The following CTNNA3 variants were observed in gnomAD, a reference collection of about 807,000 sequenced individuals.
The protein encoded by CTNNA3 is catenin alpha 3, also known as catenin alpha-3.
In CTNNA3, 76 loss-of-function variants were observed where a neutral mutation model predicts 95.7. The ratio of observed to expected loss-of-function variants is 0.79; its 90% CI spans 0.66 to 0.96. CTNNA3 has a LOEUF of 0.96. Ranked by LOEUF, CTNNA3 falls within the 40% of genes least tolerant of loss-of-function variation. The pLI is 0.00. For synonymous variants in CTNNA3, 431 were observed against 374.4 expected (o/e 1.15, Z -1.74); for missense variants, 1,191 against 1,089.8 (o/e 1.09, Z -1.31).
At chr10:67,117,738 GGTTTGAAAAAA>G (rs1160375008) in intron 7 of CTNNA3, among the ~76,000 whole-genome samples, 1 of 151,886 alleles carries the variant, frequency 6.6e-6, no homozygotes, top group Non-Finnish European at 1.5e-5. Context: ...GAAATGTCTT[GGTTTGAAAAAA>G]GTTTGATAGT....
chr10:67,169,349 A>AG (rs1372148560), intron 7 of CTNNA3, among the ~76,000 whole-genome samples: 1 of 152,188 alleles, frequency 6.6e-6, no homozygotes, highest in African/African-American at 2.4e-5. Context: ...GCAAAAAAAA[A>AG]CAAAGCTGGA....
chr10:67,370,993 A>G (rs570708561), intron 5 of CTNNA3, among the ~76,000 whole-genome samples: 4 of 149,418 alleles, frequency 2.7e-5, no homozygotes, highest in Non-Finnish European at 4.5e-5. Context: ...CAGCCTCCCA[A>G]GTAGCTGGGA....
At chr10:67,412,800 G>A (rs1845413491) in intron 5 of CTNNA3, among the ~76,000 whole-genome samples, 1 of 152,130 alleles carries the variant, frequency 6.6e-6, no homozygotes, top group South Asian at 2.1e-4. Flanking sequence ...TCTCTGACAA[G>A]CAAATGCTGA....
chr10:66,443,783 G>A (rs578140825), intron 11 of CTNNA3, among the ~76,000 whole-genome samples: 84 of 152,230 alleles, frequency 5.5e-4, no homozygotes, highest in African/African-American at 1.9e-3. Context: ...TCCTCCAAAG[G>A]AACACAGCTC....
intron 5 of CTNNA3, among the ~76,000 whole-genome samples, chr10:67,278,069 C>T (rs1412638603): frequency 6.6e-6 from 1 of 152,122 alleles, no homozygotes; most frequent in Non-Finnish European, 1.5e-5. Context: ...TTCTTTCTTG[C>T]ACAAGGTCCA....
intron 7 of CTNNA3, among the ~76,000 whole-genome samples, chr10:66,957,403 T>TAC (rs1199096293): frequency 1.3e-3 from 45 of 33,824 alleles, no homozygotes; most frequent in African/African-American, 0.013. Flanking sequence ...CATATATATA[T>TAC]ATATATATAT....
chr10:66,273,352 G>T (rs2091322807), intron 13 of CTNNA3, among the ~76,000 whole-genome samples: 1 of 152,106 alleles, frequency 6.6e-6, no homozygotes, highest in African/African-American at 2.4e-5. Context: ...ACAGCATGAG[G>T]TTTCATCACA....
intron 9 of CTNNA3, among the ~76,000 whole-genome samples, chr10:66,656,817 C>T (rs948668839): frequency 2.6e-5 from 4 of 151,876 alleles, no homozygotes. Flanking sequence ...GGAGAGAGTG[C>T]TTTTTGTTGT....
At chr10:66,386,043 G>A (rs2092888005) in intron 11 of CTNNA3, among the ~76,000 whole-genome samples, 1 of 152,106 alleles carries the variant, frequency 6.6e-6, no homozygotes, top group Admixed American at 6.5e-5. Flanking sequence ...ACAAGACAAG[G>A]ACGCCCTCAC....
chr10:66,656,892 CT>C (rs1407455255), intron 9 of CTNNA3, among the ~76,000 whole-genome samples: 1 of 151,906 alleles, frequency 6.6e-6, no homozygotes, highest in Non-Finnish European at 1.5e-5. Flanking sequence ...AAAAAATATT[CT>C]TCTGACAATT....
intron 5 of CTNNA3, among the ~76,000 whole-genome samples, chr10:67,352,510 T>C (rs1842672337): frequency 6.6e-6 from 1 of 151,438 alleles, no homozygotes; most frequent in South Asian, 2.1e-4. Flanking sequence ...AAACCTAAGA[T>C]CCCTTTATGC....
intron 11 of CTNNA3, among the ~76,000 whole-genome samples, chr10:66,471,917 A>T (rs1839148548): frequency 6.6e-6 from 1 of 151,984 alleles, no homozygotes; most frequent in African/African-American, 2.4e-5. Context: ...CATACACTCA[A>T]TTTGAAAATA....
intron 12 of CTNNA3, among the ~76,000 whole-genome samples, chr10:66,355,558 A>G (rs559197039): frequency 6.6e-6 from 1 of 151,990 alleles, no homozygotes; most frequent in Non-Finnish European, 1.5e-5. Flanking sequence ...TATTTTTGCT[A>G]TGGAATAGGA....
intron 9 of CTNNA3, among the ~76,000 whole-genome samples, chr10:66,738,477 T>C (rs1361982495): frequency 6.6e-6 from 1 of 152,224 alleles, no homozygotes; most frequent in African/African-American, 2.4e-5. Flanking sequence ...TGTAGTGAAT[T>C]TGTCTTTTCT....
Position 65,914,040 on chromosome 10 carries a change from T to C in CTNNA3, c.*6290A>G, listed in dbSNP as rs1189328193. 6.6e-6 allele frequency: 1 copy of C among 152,098 alleles called. No individual in the cohort carries two copies. Among genetic ancestry groups the C allele is most frequent in the Non-Finnish European group, 1.5e-5 (1 of 67,986 alleles). The allele number at this position is 152,098 out of a possible 1,614,324, so 9.4% of individuals were successfully genotyped here. ...AACACCAAATAACCAGAACTAAAAA[T>C]AACCATCCTTCTTGAAAATGCCAAG... On this transcript the variant is annotated 3_prime_UTR_variant, in exon 18 of 18. Coordinates refer to ENST00000433211, the MANE Select transcript of CTNNA3 (RefSeq NM_013266.4).
chr10:66,922,909 G>T (rs575278459), intron 7 of CTNNA3, among the ~76,000 whole-genome samples: 5 of 152,140 alleles, frequency 3.3e-5, no homozygotes, highest in African/African-American at 1.2e-4. Flanking sequence ...ATCACATAAG[G>T]GTAAGTGTGG....
intron 12 of CTNNA3, among the ~76,000 whole-genome samples, chr10:66,371,839 T>G (rs2092756856): frequency 6.6e-6 from 1 of 152,176 alleles, no homozygotes; most frequent in African/African-American, 2.4e-5. Context: ...GGCACATGAT[T>G]TAAACTCTAC....
intron 5 of CTNNA3, among the ~76,000 whole-genome samples, chr10:67,468,422 T>G (rs913041364): frequency 1.3e-5 from 2 of 152,028 alleles, no homozygotes; most frequent in African/African-American, 4.8e-5. Flanking sequence ...TTTAAAAAAA[T>G]TAGTGTATGC....
At chr10:66,715,007 AC>A (rs2132617604) in intron 9 of CTNNA3, among the ~76,000 whole-genome samples, 1 of 152,150 alleles carries the variant, frequency 6.6e-6, no homozygotes, top group African/African-American at 2.4e-5. Flanking sequence ...TTGTGAAGCA[AC>A]CTGCTTTTTC....
Sources: gnomAD v4.1 joint callset for allele counts (sites outside exome capture counted in the v4.1 genomes callset) on GRCh38, gnomAD v4.1.1 for gene constraint, MANE v1.5 for transcripts, NCBI Gene and HGNC (gene_info 2026-07-23, HGNC 2026-07-21) for gene names.